Variants in DLGAP1 observed in about 807,000 individuals in gnomAD.
The protein encoded by DLGAP1 is DLG associated protein 1.
A neutral mutation model predicts 90.8 loss-of-function variants in DLGAP1; 11 were observed. The ratio of observed to expected loss-of-function variants is 0.12; its 90% CI spans 0.08 to 0.20. The LOEUF is 0.20. Among genes scored for constraint, DLGAP1 ranks in the 10% least tolerant of loss-of-function variants. DLGAP1 has a pLI of 1.00. For missense variants in DLGAP1, 1,050 were observed against 1,333.8 expected (o/e 0.79, Z 3.31); for synonymous variants, 558 against 540.7 (o/e 1.03, Z -0.44).
At chr18:3,797,611 G>A (rs1349840754) in intron 5 of DLGAP1, among the ~76,000 whole-genome samples, 3 of 152,202 alleles carry the variant, frequency 2.0e-5, no homozygotes, top group Non-Finnish European at 4.4e-5. Context: ...ACTGTTAAAG[G>A]CTGGTGAGCA....
chr18:3,655,956 T>C (rs1315650498), intron 7 of DLGAP1: 3 of 858,412 alleles, frequency 3.5e-6, no homozygotes, highest in Admixed American at 2.9e-5. Flanking sequence ...GAAACACAGA[T>C]GCAATGGCAA....
chr18:3,610,797 C>A (rs564121266), intron 7 of DLGAP1, among the ~76,000 whole-genome samples: 1 of 152,094 alleles, frequency 6.6e-6, no homozygotes, highest in South Asian at 2.1e-4. Context: ...TGAGATCACG[C>A]CACTGCACTC....
intron 6 of DLGAP1, among the ~76,000 whole-genome samples, chr18:3,741,112 C>T (rs969812446): frequency 7.8e-6 from 1 of 128,548 alleles, no homozygotes; most frequent in Non-Finnish European, 1.7e-5. Flanking sequence ...ATCACCATCA[C>T]CACCACCATC....
chr18:3,749,209 G>T (rs886078207), intron 5 of DLGAP1, among the ~76,000 whole-genome samples: 1 of 147,022 alleles, frequency 6.8e-6, no homozygotes, highest in African/African-American at 2.5e-5. Context: ...GAGTGCAGTG[G>T]TGCAATCTCA....
At chr18:3,993,582 G>T (rs117002848) in intron 3 of DLGAP1, among the ~76,000 whole-genome samples, 1 of 152,108 alleles carries the variant, frequency 6.6e-6, no homozygotes, top group Non-Finnish European at 1.5e-5. Context: ...TTTTGCATTT[G>T]AATTATTATT....
chr18:3,741,231 C>CCACCACCACCATCACCAT (rs2062996489), intron 6 of DLGAP1, among the ~76,000 whole-genome samples: 2 of 125,524 alleles, frequency 1.6e-5, no homozygotes, highest in Admixed American at 1.5e-4. Flanking sequence ...ATCACCATCA[C>CCACCACCACCATCACCAT]CACCACCACC....
chr18:4,367,846 C>T (rs2081812120), intron 1 of DLGAP1, among the ~76,000 whole-genome samples: 1 of 151,054 alleles, frequency 6.6e-6, no homozygotes, highest in Non-Finnish European at 1.5e-5. Context: ...GAGACTCCAT[C>T]TCAGAAAAAA....
chr18:3,606,034 T>A (rs2057312500), intron 7 of DLGAP1, among the ~76,000 whole-genome samples: 1 of 152,210 alleles, frequency 6.6e-6, no homozygotes, highest in Non-Finnish European at 1.5e-5. Flanking sequence ...AAGGTCTCGC[T>A]GTGGTTTGCT....
chr18:4,237,926 C>T (rs1056028763), intron 1 of DLGAP1, among the ~76,000 whole-genome samples: 2 of 152,068 alleles, frequency 1.3e-5, no homozygotes, highest in Non-Finnish European at 2.9e-5. Context: ...TGAAACATTC[C>T]GTTAAATCTC....
chr18:4,387,313 T>C (rs2082249977), intron 1 of DLGAP1, among the ~76,000 whole-genome samples: 1 of 152,178 alleles, frequency 6.6e-6, no homozygotes, highest in Non-Finnish European at 1.5e-5. Context: ...TAAGCCACAT[T>C]TGAGTGAAAA....
chr18:3,525,487 C>T (rs1821145635), intron 10 of DLGAP1, among the ~76,000 whole-genome samples: 2 of 152,130 alleles, frequency 1.3e-5, no homozygotes, highest in South Asian at 2.1e-4. Context: ...GCAACCTCCA[C>T]CTCCTGGGTT....
At chr18:4,036,232 T>G (rs2074886933) in intron 2 of DLGAP1, among the ~76,000 whole-genome samples, 1 of 152,142 alleles carries the variant, frequency 6.6e-6, no homozygotes, top group Non-Finnish European at 1.5e-5. Context: ...TAAGCATCCT[T>G]TAAAAGCAGA....
At chr18:3,597,351 C>T (rs574119325) in intron 7 of DLGAP1, 9 of 415,256 alleles carry the variant, frequency 2.2e-5, no homozygotes, top group African/African-American at 1.5e-4. Flanking sequence ...GTCTGGTAAA[C>T]AGAATAAATA....
intron 9 of DLGAP1, among the ~76,000 whole-genome samples, chr18:3,552,319 G>C (rs189180689): frequency 5.3e-4 from 81 of 152,228 alleles, no homozygotes; most frequent in African/African-American, 1.9e-3. Context: ...CCCTGAGTTT[G>C]CTGATCCTTG....
At chr18:4,189,087 C>T (rs1222249523) in intron 1 of DLGAP1, among the ~76,000 whole-genome samples, 1 of 152,026 alleles carries the variant, frequency 6.6e-6, no homozygotes, top group Non-Finnish European at 1.5e-5. Context: ...ATGCTGTAAA[C>T]ATCTAAGAAT....
At chr18:4,325,491 C>T (rs1036730025) in intron 1 of DLGAP1, among the ~76,000 whole-genome samples, 8 of 151,966 alleles carry the variant, frequency 5.3e-5, no homozygotes, top group Non-Finnish European at 8.8e-5. Context: ...ACATTCTTCA[C>T]ACAACTAAAA....
Position 3,921,626 on chromosome 18 carries a change from G to A in DLGAP1, c.-72-41486C>T, listed in dbSNP as rs75334147. Among the ~76,000 whole-genome samples the A allele has an allele frequency of 8.6e-3, 1,307 of 152,310 alleles. 10 individuals carry two copies. The highest frequency in any genetic ancestry group is 0.025 in the African/African-American group (1,040 of 41,560). ...AGCACATTGCAAACTGGAAAGTCAT[G>A]TGTAAATGTCAGAATAAATTAGATA... On this transcript the variant is annotated intron_variant, in intron 3 of 12. Coordinates refer to ENST00000315677, the MANE Select transcript of DLGAP1 (RefSeq NM_004746.4).
intron 5 of DLGAP1, among the ~76,000 whole-genome samples, chr18:3,752,814 G>A (rs886162087): frequency 2.6e-5 from 4 of 151,744 alleles, no homozygotes; most frequent in Non-Finnish European, 4.4e-5. Flanking sequence ...TCCAGCCCTA[G>A]CATGATGTTT....
intron 4 of DLGAP1, among the ~76,000 whole-genome samples, chr18:3,836,587 A>T (rs552808591): frequency 5.8e-4 from 89 of 152,202 alleles, no homozygotes; most frequent in Non-Finnish European, 1.0e-3. Context: ...CCCTCCTAGG[A>T]TGTGACTTGA....
Sources: allele counts gnomAD v4.1 joint callset (sites outside exome capture counted in the v4.1 genomes callset), GRCh38; gene constraint gnomAD v4.1.1; transcripts MANE v1.5; gene names NCBI Gene and HGNC (gene_info 2026-07-23, HGNC 2026-07-21).